The following HK1 variants were observed in gnomAD, a reference collection of about 807,000 sequenced individuals.
The protein encoded by HK1 is hexokinase-1.
In HK1, 28 loss-of-function variants were observed where a neutral mutation model predicts 91.6. The ratio of observed to expected loss-of-function variants is 0.31; its 90% confidence interval spans 0.23 to 0.42. The LOEUF (loss-of-function observed/expected upper bound fraction) is 0.42, where lower values mean the gene tolerates loss of function less well. HK1 is among the 10% of genes least tolerant of loss of function. The probability of loss-of-function intolerance (pLI) is 1.00; values close to 1 mark genes in which losing one functional copy is unlikely to be tolerated. For missense variants in HK1, 770 were observed against 1,219.8 expected, an observed-to-expected ratio of 0.63 and a Z score of 5.49; for synonymous variants, 430 against 468.1, an observed-to-expected ratio of 0.92 and a Z score of 1.05.
chr10:69,376,893 C>T (rs1037458488), intron 7 of HK1, 41 bp from the exon 8 acceptor site: 3 of 1,612,242 alleles, frequency 1.9e-6, no homozygotes, highest in Non-Finnish European at 2.5e-6. Flanking sequence ...GTGTGGGGCG[C>T]AGAGGAAGGC....
chr10:69,396,843 G>T (rs567284933), intron 16 of HK1, among the ~76,000 whole-genome samples: 1 of 152,042 alleles, frequency 6.6e-6, no homozygotes, highest in East Asian at 1.9e-4. Context: ...CACCATGCAC[G>T]CCCGGCTAAT....
intron 16 of HK1, 112 bp downstream of exon 16, chr10:69,395,217 A>T: frequency 1.0e-6 from 1 of 974,996 alleles, no homozygotes; most frequent in Non-Finnish European, 1.6e-6. Context: ...ATTTTTGAGG[A>T]TTTTTTTTCC....
At chr10:69,370,074 G>A (rs1228117011) in intron 7 of HK1, among the ~76,000 whole-genome samples, 1 of 152,212 alleles carries the variant, frequency 6.6e-6, no homozygotes, top group Admixed American at 6.5e-5. Context: ...GTTGCTCCTT[G>A]TTTGGTGAGA....
intron 2 of HK1, among the ~76,000 whole-genome samples, chr10:69,350,610 C>T (rs1173967495): frequency 3.3e-5 from 5 of 151,848 alleles, no homozygotes; most frequent in Admixed American, 6.6e-5. Flanking sequence ...TGCAGTGAAC[C>T]AAGATTGCGC....
intron 4 of HK1, among the ~76,000 whole-genome samples, chr10:69,368,002 G>T (rs190251577): frequency 6.3e-4 from 96 of 152,356 alleles, no homozygotes; most frequent in African/African-American, 2.3e-3. Flanking sequence ...CCCAAAGCTG[G>T]TGAAGAGGCA....
intron 1 of HK1, among the ~76,000 whole-genome samples, chr10:69,342,892 G>A (rs1387105662): frequency 1.3e-5 from 2 of 152,212 alleles, no homozygotes; most frequent in African/African-American, 4.8e-5. Flanking sequence ...TAAATGCGAA[G>A]ATGCCATGAA....
intron 1 of HK1, among the ~76,000 whole-genome samples, chr10:69,273,192 G>A (rs1450883476): frequency 6.6e-6 from 1 of 151,314 alleles, no homozygotes; most frequent in African/African-American, 2.4e-5. Flanking sequence ...ACCATGCCCA[G>A]CTAACTTTTG....
intron 14 of HK1, among the ~76,000 whole-genome samples, chr10:69,390,451 A>T (rs1839846970): frequency 6.6e-6 from 1 of 152,158 alleles, no homozygotes; most frequent in Non-Finnish European, 1.5e-5. Flanking sequence ...CATAGGCAAG[A>T]TGTATGGTTT....
At chr10:69,306,571 T>C (rs978792439) in intron 5 of HK1, among the ~76,000 whole-genome samples, 17 of 152,160 alleles carry the variant, frequency 1.1e-4, no homozygotes, top group African/African-American at 3.9e-4. Flanking sequence ...CAGTCAGCTA[T>C]GCATTCATAC....
upstream of HK1, among the ~76,000 whole-genome samples, chr10:69,312,546 CCTT>C (rs1000418909): frequency 1.3e-5 from 2 of 151,224 alleles, no homozygotes; most frequent in Non-Finnish European, 2.9e-5. Flanking sequence ...GCCATATAGC[CCTT>C]TTTTTTTTTT....
At chr10:69,320,639 GTCC>G (rs1391899894) in intron 1 of HK1, among the ~76,000 whole-genome samples, 36 of 152,160 alleles carry the variant, frequency 2.4e-4, no homozygotes, top group Admixed American at 2.4e-3. Context: ...AGAGTTCACT[GTCC>G]TCCTGCACGT....
chr10:69,328,162 G>A (rs761116814), intron 1 of HK1, among the ~76,000 whole-genome samples: 5 of 152,198 alleles, frequency 3.3e-5, no homozygotes, highest in African/African-American at 7.2e-5. Flanking sequence ...CTCTCAGACC[G>A]TCTTCCGTAA....
In HK1 at chr10:69,298,070, G is replaced by C. The variant is rs1845659092; in HGVS notation, c.-67+2390G>C. Among the ~76,000 whole-genome samples, 8 of 149,220 alleles carry C rather than the reference G, an allele frequency of 5.4e-5. No homozygotes were observed. In the South Asian group the frequency reaches 1.7e-3, roughly 32 times the overall value. On this transcript the variant is annotated intron_variant, in intron 4 of 21. Transcript: ENST00000360289. Reference sequence around the variant, plus strand: ...TACTAAAAATACAAAAATTAGCCAGGCGTGGTGGCAGGCACCTGTAATCCC... The same window carrying C: ...TACTAAAAATACAAAAATTAGCCAGCCGTGGTGGCAGGCACCTGTAATCCC...
chr10:69,354,901 C>T (rs1849052426), intron 2 of HK1, among the ~76,000 whole-genome samples: 1 of 151,930 alleles, frequency 6.6e-6, no homozygotes, highest in Admixed American at 6.6e-5. Context: ...AAACCCATCT[C>T]TACTACAAAA....
chr10:69,357,347 C>T (rs7076745), intron 2 of HK1, among the ~76,000 whole-genome samples: 45,782 of 151,976 alleles, frequency 0.3, 7,477 homozygotes, highest in South Asian at 0.4. Flanking sequence ...AGTGTAACAG[C>T]CATTAAAAGG....
intron 15 of HK1, among the ~76,000 whole-genome samples, chr10:69,393,636 A>G (rs1368267561): frequency 6.6e-6 from 1 of 152,258 alleles, no homozygotes; most frequent in African/African-American, 2.4e-5. Context: ...AAGGAGGAAA[A>G]AGAGGAAGAA....
chr10:69,376,903 C>G, intron 7 of HK1, 31 bp from the exon 8 acceptor site: 2 of 1,613,778 alleles, frequency 1.2e-6, no homozygotes, highest in Non-Finnish European at 1.7e-6. Flanking sequence ...CAGAGGAAGG[C>G]TGACAAGTGC....
exon 5 of HK1, chr10:69,300,803 A>C (rs368490165): frequency 3.7e-6 from 6 of 1,610,984 alleles, no homozygotes; most frequent in African/African-American, 1.3e-5. Context: ...CAGCCAGGAC[A>C]TTAATGTGCA....
intron 1 of HK1, among the ~76,000 whole-genome samples, chr10:69,337,261 C>T (rs10998723): frequency 0.021 from 3,254 of 152,210 alleles, 120 homozygotes; most frequent in African/African-American, 0.068. Context: ...TGGGAGGTTA[C>T]GAGCCCTGGA....
Sources: gnomAD v4.1 joint callset for allele counts (sites outside exome capture counted in the v4.1 genomes callset) on GRCh38, gnomAD v4.1.1 for gene constraint, MANE v1.5 for transcripts, NCBI Gene and HGNC (gene_info 2026-07-23, HGNC 2026-07-21) for gene names.